Variants in SLCO4A1 observed in about 807,000 individuals in gnomAD.
The protein encoded by SLCO4A1 is solute carrier organic anion transporter family member 4A1.
A neutral mutation model predicts 64.6 loss-of-function variants in SLCO4A1; 51 were observed. The observed-to-expected ratio is 0.79, with a 90% confidence interval of 0.63 to 1.00. The LOEUF (loss-of-function observed/expected upper bound fraction) is 1.00. Ranked by LOEUF, SLCO4A1 falls within the 50% of genes least tolerant of loss-of-function variation. The pLI is 0.00. For missense variants in SLCO4A1, 919 were observed against 980.5 expected (o/e 0.94, Z 0.84); for synonymous variants, 471 against 444.9 (o/e 1.06, Z -0.74).
At chr20:62,642,852 G>C (rs1980620834) in intron 1 of SLCO4A1, among the ~76,000 whole-genome samples, 1 of 152,256 alleles carries the variant, frequency 6.6e-6, no homozygotes, top group Non-Finnish European at 1.5e-5. Flanking sequence ...GGTGCCGGGG[G>C]GAAGCGGGTG....
At chr20:62,665,270 G>A (rs2147095627) in intron 6 of SLCO4A1, 182 bp downstream of exon 6, 1 of 629,716 alleles carries the variant, frequency 1.6e-6, no homozygotes, top group East Asian at 2.9e-5. Flanking sequence ...CACAGGCCGG[G>A]AGAGTGGTGG....
intron 1 of SLCO4A1, among the ~76,000 whole-genome samples, chr20:62,655,365 C>T (rs6062723): frequency 0.067 from 1,773 of 26,606 alleles, 220 homozygotes; most frequent in South Asian, 0.27. Flanking sequence ...CCTCCCAGGG[C>T]GGGGGCGGCA....
chr20:62,670,356 C>T (rs1055784004), intron 11 of SLCO4A1: 43 of 152,388 alleles, frequency 2.8e-4, no homozygotes, highest in African/African-American at 8.9e-4. Context: ...CATGCCACCA[C>T]CTGTTGATCA....
chr20:62,652,164 C>G (rs1437954663), intron 1 of SLCO4A1: 1 of 151,722 alleles, frequency 6.6e-6, no homozygotes, highest in African/African-American at 2.4e-5. Flanking sequence ...GAGGCTCCTT[C>G]CCTTCATGTT....
At chr20:62,646,176 C>G (rs1012862537) in intron 1 of SLCO4A1, among the ~76,000 whole-genome samples, 10 of 152,130 alleles carry the variant, frequency 6.6e-5, no homozygotes, top group Non-Finnish European at 1.0e-4. Flanking sequence ...CCTTTGCTGG[C>G]GGACCTCTGA....
Position 62,660,483 on chromosome 20 carries a change from C to T in SLCO4A1, c.959C>T (p.Ala320Val). ...WWVGFLGSGA[A>V]AFFTAVPILG... The stretch of plus-strand genomic sequence containing the variant: ...GTCGGCTTCCTGGGCTCTGGGGCCG[C>T]TGCTTTCTTCACCGCCGTTCCCATC... The change falls in exon 4 of 12, where the codon GCT becomes GTT. Residue 320 changes from alanine (A) to valine (V), a missense_variant. Physicochemically the swap from Ala to Val is moderately conservative, Grantham distance 64. Coordinates refer to ENST00000217159, the MANE Select transcript of SLCO4A1 (RefSeq NM_016354.4). The T allele has an allele frequency of 1.2e-6, 2 of 1,604,606 alleles. No homozygotes were observed. Among genetic ancestry groups the T allele is most frequent in the South Asian group, 2.2e-5 (2 of 91,084 alleles).
chr20:62,689,638 C>T (rs867175416), downstream of SLCO4A1, among the ~76,000 whole-genome samples: 2 of 152,188 alleles, frequency 1.3e-5, no homozygotes, highest in Non-Finnish European at 2.9e-5. Flanking sequence ...CATTGAGCCC[C>T]TCCTGGGGAC....
At chr20:62,656,307 T>A in intron 1 of SLCO4A1, 52 bp from the exon 2 acceptor site, 1 of 666,422 alleles carries the variant, frequency 1.5e-6, no homozygotes, top group Non-Finnish European at 2.5e-6. Flanking sequence ...CTCCTGGATG[T>A]GCTGTACCCG....
chr20:62,647,644 G>A (rs1182870050), intron 1 of SLCO4A1, among the ~76,000 whole-genome samples: 4 of 152,264 alleles, frequency 2.6e-5, no homozygotes, highest in East Asian at 1.9e-4. Context: ...TCCTTTCCAC[G>A]CACTGCGCTG....
At position 62,645,599 on chromosome 20, in the gene SLCO4A1, C is replaced by T. The variant is rs2147054489; in HGVS notation, c.-97+3046C>T. ...CAGTTCTTTTCAGTAGCCTCCTTCC[C>T]ACCAGCATCACACAGAATTAGACCC... On this transcript the variant is annotated intron_variant, in intron 1 of 11. Coordinates refer to ENST00000217159, the MANE Select transcript of SLCO4A1 (RefSeq NM_016354.4). This position sits in a 1 kb window ranked among gnomAD's most constrained non-coding sequence, Gnocchi z 4.2. Among the ~76,000 whole-genome samples the T allele has an allele frequency of 6.6e-6, 1 of 151,858 alleles. No individual in the cohort carries two copies. Among genetic ancestry groups the T allele is most frequent in the Middle Eastern group, 3.4e-3 (1 of 294 alleles).
At chr20:62,647,876 G>C (rs1981653326) in intron 1 of SLCO4A1, among the ~76,000 whole-genome samples, 1 of 152,222 alleles carries the variant, frequency 6.6e-6, no homozygotes, top group East Asian at 1.9e-4. Context: ...GGAGGAAGAG[G>C]TCAGCCGGAT....
At chr20:62,672,842 A>G (rs6011557), downstream of SLCO4A1, among the ~76,000 whole-genome samples, 41,502 of 151,712 alleles carry the variant, frequency 0.27, 5,874 homozygotes, top group Middle Eastern at 0.32. Flanking sequence ...AACCCTTCCC[A>G]CTCGCTGAGC....
rs766248534 is a variant in SLCO4A1, at chr20:62,658,666, C to T, written c.797-11C>T. On this transcript the variant is annotated splice_polypyrimidine_tract_variant and intron_variant, in intron 2 of 11. Coordinates refer to ENST00000217159, the MANE Select transcript of SLCO4A1 (RefSeq NM_016354.4). The stretch of plus-strand genomic sequence containing the variant: ...TGCACAGCGGCCCTGACGCCTCTGC[C>T]TCTCTCGCAGCCATCTTCTACACAG... 2 of 1,606,276 alleles carry T rather than the reference C, an allele frequency of 1.2e-6. No individual in the cohort carries two copies.
intron 1 of SLCO4A1, among the ~76,000 whole-genome samples, chr20:62,643,503 C>G (rs1980778896): frequency 6.6e-6 from 1 of 152,252 alleles, no homozygotes. Context: ...GCAAGGCCCT[C>G]TTTGGAGCTG....
At position 62,665,658 on chromosome 20, in the gene SLCO4A1, A is replaced by G. The variant is rs368289568; in HGVS notation, c.1276+570A>G. 3.2e-4 allele frequency among the ~76,000 whole-genome samples: 48 copies of G among 152,080 alleles called. No individual in the cohort carries two copies. In the East Asian group the frequency reaches 8.9e-3, roughly 28 times the overall value. The stretch of plus-strand genomic sequence containing the variant: ...TATCTGGACAGGAAGAGGGCATCAG[A>G]TGAGGGCTCCCCTCCCTCCCCCACA... On this transcript the variant is annotated intron_variant, in intron 6 of 11. Transcript: ENST00000217159.
At chr20:62,670,870 C>G (rs1483903537) in intron 11 of SLCO4A1, among the ~76,000 whole-genome samples, 2 of 152,282 alleles carry the variant, frequency 1.3e-5, no homozygotes, top group Non-Finnish European at 2.9e-5. Flanking sequence ...AACAGCCTCA[C>G]TCCCTGAATG....
intron 6 of SLCO4A1, 54 bp from the exon 7 acceptor site, chr20:62,666,326 C>G: frequency 6.5e-7 from 1 of 1,536,096 alleles, no homozygotes; most frequent in East Asian, 2.3e-5. Flanking sequence ...CCACCACCCT[C>G]TCCCACCACG....
intron 3 of SLCO4A1, among the ~76,000 whole-genome samples, chr20:62,659,882 G>A (rs547583631): frequency 2.8e-4 from 42 of 152,356 alleles, no homozygotes; most frequent in African/African-American, 9.9e-4. Flanking sequence ...CCAGAGCTTG[G>A]ATGGGCTTCT....
intron 6 of SLCO4A1, chr20:62,665,301 A>G (rs574788011): frequency 6.9e-4 from 384 of 555,448 alleles, no homozygotes; most frequent in Non-Finnish European, 1.1e-3. Context: ...TTTGTGGGAC[A>G]TGCTCCGTAG....
Sources: allele counts gnomAD v4.1 joint callset (sites outside exome capture counted in the v4.1 genomes callset), GRCh38; gene constraint gnomAD v4.1.1; non-coding constraint Gnocchi (gnomAD v3.1); transcripts MANE v1.5; gene names NCBI Gene and HGNC (gene_info 2026-07-23, HGNC 2026-07-21).